Variants in IGF2BP2 observed in about 807,000 individuals in gnomAD.
The protein encoded by IGF2BP2 is insulin like growth factor 2 mRNA binding protein 2, also known as insulin-like growth factor 2 mRNA-binding protein 2.
IGF2BP2 carries 17 observed loss-of-function variants against 75.8 expected under a neutral mutation model. The ratio of observed to expected loss-of-function variants is 0.22; its 90% CI spans 0.15 to 0.34. The LOEUF (loss-of-function observed/expected upper bound fraction) is 0.34. Among genes scored for constraint, IGF2BP2 ranks in the 10% least tolerant of loss-of-function variants. The pLI is 1.00. For synonymous variants in IGF2BP2, 288 were observed against 295.6 expected (o/e 0.97, Z 0.26); for missense variants, 516 against 772.4 (o/e 0.67, Z 3.93).
chr3:185,691,620 T>C (rs1427177971), intron 5 of IGF2BP2, among the ~76,000 whole-genome samples: 2 of 152,152 alleles, frequency 1.3e-5, no homozygotes, highest in Non-Finnish European at 2.9e-5. Flanking sequence ...TTGTTTTTGT[T>C]GTTCTTTTAA....
chr3:185,709,667 T>A (rs1273370928), intron 2 of IGF2BP2, among the ~76,000 whole-genome samples: 2 of 152,216 alleles, frequency 1.3e-5, no homozygotes. Context: ...GAAAATTAAA[T>A]TCATCTATAA....
intron 10 of IGF2BP2, among the ~76,000 whole-genome samples, chr3:185,668,625 C>CAT (rs770508700): frequency 6.1e-5 from 9 of 148,696 alleles, no homozygotes; most frequent in Non-Finnish European, 1.0e-4. Context: ...TATAAATGAA[C>CAT]ATATATATAA....
At chr3:185,796,909 T>C (rs990734371) in intron 2 of IGF2BP2, among the ~76,000 whole-genome samples, 1 of 152,186 alleles carries the variant, frequency 6.6e-6, no homozygotes, top group African/African-American at 2.4e-5. Context: ...ACCGTTGTCA[T>C]CAAGATTCCT....
chr3:185,764,526 TG>T (rs1194387819), intron 2 of IGF2BP2, among the ~76,000 whole-genome samples: 1 of 152,146 alleles, frequency 6.6e-6, no homozygotes, highest in African/African-American at 2.4e-5. Context: ...AAGCCCTTGA[TG>T]GAGGTGAAGA....
At chr3:185,683,109 C>T (rs1438333278) in intron 7 of IGF2BP2, among the ~76,000 whole-genome samples, 1 of 152,076 alleles carries the variant, frequency 6.6e-6, no homozygotes, top group East Asian at 1.9e-4. Flanking sequence ...TGTTATTTGG[C>T]CATAAAAAGG....
intron 8 of IGF2BP2, 109 bp from the exon 9 acceptor site, chr3:185,675,540 T>A (rs1341626826): frequency 7.7e-7 from 1 of 1,298,404 alleles, no homozygotes; most frequent in African/African-American, 1.5e-5. Flanking sequence ...AAGACTCAAT[T>A]CCCTCCCAAC....
intron 2 of IGF2BP2, among the ~76,000 whole-genome samples, chr3:185,773,432 T>C (rs1219412040): frequency 1.3e-5 from 2 of 152,184 alleles, no homozygotes; most frequent in African/African-American, 4.8e-5. Flanking sequence ...AAAGTTTGAG[T>C]GCAGATTACA....
intron 10 of IGF2BP2, among the ~76,000 whole-genome samples, chr3:185,668,412 G>A (rs1717976811): frequency 6.6e-6 from 1 of 150,802 alleles, no homozygotes; most frequent in South Asian, 2.1e-4. Flanking sequence ...CGGGGGTATT[G>A]GGTGAAATTT....
At chr3:185,682,702 G>A (rs545232507) in intron 7 of IGF2BP2, among the ~76,000 whole-genome samples, 3 of 152,094 alleles carry the variant, frequency 2.0e-5, no homozygotes, top group Non-Finnish European at 4.4e-5. Flanking sequence ...ATCACCAATC[G>A]CTAATCATCA....
At chr3:185,649,279 T>C (rs1054191429) in intron 14 of IGF2BP2, 124 bp downstream of exon 14, 33 of 1,301,910 alleles carry the variant, frequency 2.5e-5, no homozygotes, top group Admixed American at 6.8e-5. Context: ...AGCCTTAGTT[T>C]ATCTGCCAAA....
intron 2 of IGF2BP2, among the ~76,000 whole-genome samples, chr3:185,741,995 G>A (rs1199723505): frequency 2.0e-5 from 3 of 152,130 alleles, no homozygotes; most frequent in Non-Finnish European, 4.4e-5. Context: ...GTTATAGAAG[G>A]AAAAGAAGAG....
intron 2 of IGF2BP2, among the ~76,000 whole-genome samples, chr3:185,756,341 T>G (rs537558968): frequency 6.6e-6 from 1 of 152,294 alleles, no homozygotes; most frequent in East Asian, 1.9e-4. Context: ...CGTGAGCCAA[T>G]TAAACCTCAT....
At chr3:185,684,073 G>A (rs1577958516) in intron 7 of IGF2BP2, among the ~76,000 whole-genome samples, 1 of 152,192 alleles carries the variant, frequency 6.6e-6, no homozygotes, top group South Asian at 2.1e-4. Flanking sequence ...AAAATAAAGA[G>A]GGTGCTTGAA....
At chr3:185,759,412 T>C (rs1007264184) in intron 2 of IGF2BP2, among the ~76,000 whole-genome samples, 5 of 152,258 alleles carry the variant, frequency 3.3e-5, no homozygotes, top group Non-Finnish European at 7.3e-5. Context: ...AATGCCATTC[T>C]TTAGCACCTT....
intron 6 of IGF2BP2, 66 bp from the exon 7 acceptor site, chr3:185,687,257 G>A (rs1721272166): frequency 6.7e-6 from 10 of 1,501,768 alleles, no homozygotes; most frequent in Non-Finnish European, 8.1e-6. Flanking sequence ...CCCCAAGAAA[G>A]CGTCACACCA....
chr3:185,750,012 T>C (rs1198910520), intron 2 of IGF2BP2, among the ~76,000 whole-genome samples: 1 of 152,238 alleles, frequency 6.6e-6, no homozygotes, highest in Non-Finnish European at 1.5e-5. Flanking sequence ...AGCTCAGTTG[T>C]TTTGAACTTT....
chr3:185,701,852 G>C (rs1262120343), intron 2 of IGF2BP2, among the ~76,000 whole-genome samples: 1 of 152,134 alleles, frequency 6.6e-6, no homozygotes, highest in Non-Finnish European at 1.5e-5. Context: ...ACTATCCTGA[G>C]GGATTATCTT....
intron 2 of IGF2BP2, among the ~76,000 whole-genome samples, chr3:185,744,036 C>G (rs1729920602): frequency 6.6e-6 from 1 of 152,192 alleles, no homozygotes; most frequent in African/African-American, 2.4e-5. Flanking sequence ...GTGCAAATCT[C>G]TGTATGACAC....
Position 185,824,868 on chromosome 3 carries a change from CG to C in IGF2BP2, c.92del (p.Ala31GlyfsTer6). The C allele has an allele frequency of 6.4e-7, 1 of 1,564,852 alleles. No individual in the cohort carries two copies. ...QLFGDRKLPLAGQVLLKSGYA... is the reference protein window; with the variant it reads ...QLFGDRKLPLXGQVLLKSGYA... Reference sequence around the variant, plus strand: ...AGCCGGACTTCAGCAGGACCTGTCCCGCCAGGGGCAGCTTCCTGTCCCCAAA... The same window carrying C: ...AGCCGGACTTCAGCAGGACCTGTCCCCCAGGGGCAGCTTCCTGTCCCCAAA... On this transcript the variant is annotated frameshift_variant, in exon 1 of 16. Transcript: ENST00000382199. LOFTEE classifies it high-confidence loss of function.
Sources: allele counts gnomAD v4.1 joint callset (sites outside exome capture counted in the v4.1 genomes callset), GRCh38; gene constraint gnomAD v4.1.1; transcripts MANE v1.5; gene names NCBI Gene and HGNC (gene_info 2026-07-23, HGNC 2026-07-21).